CUEDC1: variants seen among roughly 807,000 people sequenced by gnomAD.
The protein encoded by CUEDC1 is CUE domain containing 1.
A neutral mutation model predicts 43.7 loss-of-function variants in CUEDC1; 30 were observed. The observed-to-expected ratio is 0.69, with a 90% CI of 0.51 to 0.93. The LOEUF is 0.93. Among genes scored for constraint, CUEDC1 ranks in the 40% least tolerant of loss-of-function variants. CUEDC1 has a pLI of 0.00. For missense variants in CUEDC1, 486 were observed against 549.0 expected (o/e 0.89, Z 1.15); for synonymous variants, 223 against 223.6 (o/e 1.00, Z 0.02).
chr17:57,892,166 T>C (rs1301430357), intron 1 of CUEDC1, among the ~76,000 whole-genome samples: 3 of 152,118 alleles, frequency 2.0e-5, no homozygotes, highest in Middle Eastern at 3.2e-3. Context: ...CCCTACACAC[T>C]CATTTACTCC....
chr17:57,884,475 C>T (rs1477695883), intron 2 of CUEDC1, among the ~76,000 whole-genome samples: 1 of 152,162 alleles, frequency 6.6e-6, no homozygotes, highest in Non-Finnish European at 1.5e-5. Context: ...GGATTACAGG[C>T]ATGAGCCACC....
intron 4 of CUEDC1, 70 bp downstream of exon 4, chr17:57,873,521 C>G (rs575694089): frequency 1.4e-6 from 2 of 1,464,050 alleles, no homozygotes; most frequent in African/African-American, 2.9e-5. Context: ...CTGGCTGGCA[C>G]AAATTGTGTG....
chr17:57,930,064 A>G lies in CUEDC1; in HGVS notation c.-316+25161T>C, dbSNP rs369406221. Among the ~76,000 whole-genome samples, 25 of 152,256 alleles carry G rather than the reference A, an allele frequency of 1.6e-4. 2 individuals carry two copies. The South Asian group carries it at 5.0e-3, about 30-fold the overall frequency. On this transcript the variant is annotated intron_variant, in intron 1 of 10. Coordinates refer to ENST00000577830, the MANE Select transcript of CUEDC1 (RefSeq NM_001271875.2). This position sits in a 1 kb window ranked among gnomAD's most constrained non-coding sequence, Gnocchi z 4.2. Reference sequence around the variant, plus strand: ...GTGATCCACCCGCCTCGGCCTCCCAAAGTGCTGGGATTACAGGCGTGAGCC... The same window carrying G: ...GTGATCCACCCGCCTCGGCCTCCCAGAGTGCTGGGATTACAGGCGTGAGCC...
intron 1 of CUEDC1, among the ~76,000 whole-genome samples, chr17:57,928,156 G>A (rs1042525712): frequency 1.3e-5 from 2 of 152,170 alleles, no homozygotes; most frequent in Non-Finnish European, 2.9e-5. Context: ...CCCAAAAATC[G>A]AATGCAATTT....
intron 1 of CUEDC1, among the ~76,000 whole-genome samples, chr17:57,933,256 A>T (rs1244685387): frequency 6.6e-6 from 1 of 152,214 alleles, no homozygotes; most frequent in Non-Finnish European, 1.5e-5. Context: ...TCTCTTAGCC[A>T]GTCTAAGATT....
chr17:57,949,967 T>A lies in CUEDC1; in HGVS notation c.-316+5258A>T, dbSNP rs116723794. Among the ~76,000 whole-genome samples the A allele has an allele frequency of 6.9e-3, 1,049 of 152,308 alleles. 10 individuals are homozygous for A. The highest frequency in any genetic ancestry group is 0.025 in the African/African-American group (1,019 of 41,562). ...GTGATCTTGGGCAAGTTATTTAAAC[T>A]CTTGATGTCTCTTATGTCTCTATTT... On this transcript the variant is annotated intron_variant, in intron 1 of 10. Coordinates refer to ENST00000577830, the MANE Select transcript of CUEDC1 (RefSeq NM_001271875.2).
At chr17:57,912,027 C>A (rs897475983) in intron 1 of CUEDC1, among the ~76,000 whole-genome samples, 3 of 152,206 alleles carry the variant, frequency 2.0e-5, no homozygotes, top group East Asian at 1.9e-4. Context: ...AGATAAAAAC[C>A]TCTTTTCTTC....
At chr17:57,881,240 T>C in intron 2 of CUEDC1, among the ~76,000 whole-genome samples, 1 of 152,208 alleles carries the variant, frequency 6.6e-6, no homozygotes, top group East Asian at 1.9e-4. Context: ...TGCGCTTACA[T>C]AGCTAGCTAA....
chr17:57,942,212 G>A (rs1440571455), intron 1 of CUEDC1, among the ~76,000 whole-genome samples: 1 of 152,152 alleles, frequency 6.6e-6, no homozygotes, highest in Non-Finnish European at 1.5e-5. Context: ...GCTGGGCTGG[G>A]AGTGCTCACA....
At chr17:57,899,316 A>G (rs2074446456) in intron 1 of CUEDC1, among the ~76,000 whole-genome samples, 1 of 152,064 alleles carries the variant, frequency 6.6e-6, no homozygotes, top group South Asian at 2.1e-4. Context: ...CCTGTGTAGC[A>G]GCAGCGATCC....
intron 1 of CUEDC1, among the ~76,000 whole-genome samples, chr17:57,926,308 C>T (rs555870401): frequency 4.6e-5 from 7 of 151,936 alleles, no homozygotes; most frequent in Admixed American, 2.0e-4. Flanking sequence ...TGGAGAGGAC[C>T]GAAAAAGGCC....
chr17:57,885,314 A>C lies in CUEDC1; in HGVS notation c.251T>G (p.Leu84Arg), dbSNP rs1568035954. 6.2e-7 allele frequency: 1 copy of C among 1,611,096 alleles called. No individual in the cohort carries two copies. The highest frequency in any genetic ancestry group is 8.5e-7 in the Non-Finnish European group (1 of 1,179,296). Reference protein sequence around the residue: ...SGAVDATIDQLLQMNLEGGGS... With the variant: ...SGAVDATIDQRLQMNLEGGGS... The stretch of plus-strand genomic sequence containing the variant: ...ACCGCCCTCCAGGTTCATCTGCAGC[A>C]GCTGGTCGATGGTGGCGTCCACAGC... Residue 84 changes from leucine (L) to arginine (R), a missense_variant, in exon 2 of 11, where the codon CTG becomes CGG. Leu to Arg is a moderately radical substitution (Grantham distance 102, BLOSUM62 -2). Coordinates refer to ENST00000577830, the MANE Select transcript of CUEDC1 (RefSeq NM_001271875.2).
chr17:57,953,830 T>C (rs1270837303), intron 1 of CUEDC1, among the ~76,000 whole-genome samples: 1 of 152,168 alleles, frequency 6.6e-6, no homozygotes, highest in Non-Finnish European at 1.5e-5. Flanking sequence ...GTTTCCCTTG[T>C]CCTGGCCCTT....
In CUEDC1 at chr17:57,862,854, GGAGA is replaced by G. The variant is rs2073901089; in HGVS notation, c.*431_*434del. 1.3e-5 allele frequency: 2 copies of G among 152,460 alleles called. No individual in the cohort carries two copies. Among genetic ancestry groups the G allele is most frequent in the African/African-American group, 4.8e-5 (2 of 41,478 alleles). The allele number at this position is 152,460 out of a possible 1,614,324, so 9.4% of individuals were successfully genotyped here. ...AGGGGGTCAGGCAGAGTCTGTGACAGGAGAGATAGAGAACGGACGGAGGCAGAGA... is the reference window on the plus strand; with the variant it reads ...AGGGGGTCAGGCAGAGTCTGTGACAGGATAGAGAACGGACGGAGGCAGAGA... On this transcript the variant is annotated 3_prime_UTR_variant, in exon 11 of 11. Coordinates refer to ENST00000577830, the MANE Select transcript of CUEDC1 (RefSeq NM_001271875.2).
intron 1 of CUEDC1, among the ~76,000 whole-genome samples, chr17:57,927,975 A>C (rs970812173): frequency 6.6e-5 from 10 of 152,216 alleles, no homozygotes; most frequent in African/African-American, 2.4e-4. Flanking sequence ...GGAAGGATTC[A>C]AACCCTGGCA....
At chr17:57,933,669 C>T (rs540305042) in intron 1 of CUEDC1, among the ~76,000 whole-genome samples, 100 of 152,318 alleles carry the variant, frequency 6.6e-4, no homozygotes, top group Admixed American at 2.3e-3. Context: ...TATACTCATA[C>T]TTCCTCAGCC....
At chr17:57,921,116 G>C (rs778974010) in intron 1 of CUEDC1, among the ~76,000 whole-genome samples, 33 of 152,218 alleles carry the variant, frequency 2.2e-4, no homozygotes, top group Non-Finnish European at 4.4e-4. Flanking sequence ...CGAGTTAATA[G>C]GGAGATATTG....
chr17:57,907,416 G>GCC (rs2074540190), intron 1 of CUEDC1, among the ~76,000 whole-genome samples: 1 of 152,074 alleles, frequency 6.6e-6, no homozygotes, highest in Admixed American at 6.6e-5. Flanking sequence ...AGTCAGGCTG[G>GCC]ATCATTCACT....
chr17:57,952,809 G>A (rs894456576), intron 1 of CUEDC1, among the ~76,000 whole-genome samples: 2 of 152,172 alleles, frequency 1.3e-5, no homozygotes, highest in African/African-American at 4.8e-5. Context: ...TGGGGGACTT[G>A]AGCCTAAGGA....
Sources: gnomAD v4.1 joint callset for allele counts (sites outside exome capture counted in the v4.1 genomes callset) on GRCh38, gnomAD v4.1.1 for gene constraint, Gnocchi (gnomAD v3.1) non-coding constraint, MANE v1.5 for transcripts, NCBI Gene and HGNC (gene_info 2026-07-23, HGNC 2026-07-21) for gene names.